Variants in SNX29 observed in about 807,000 individuals in gnomAD.
SNX29 encodes sorting nexin-29.
SNX29 carries 78 observed loss-of-function variants against 102.1 expected under a neutral mutation model. The observed-to-expected ratio is 0.76, with a 90% CI of 0.64 to 0.92. The LOEUF is 0.92. Among genes scored for constraint, SNX29 ranks in the 40% least tolerant of loss-of-function variants. The pLI is 0.00. For missense variants in SNX29, 1,280 were observed against 1,061.7 expected (o/e 1.21, Z -2.86); for synonymous variants, 580 against 414.5 (o/e 1.40, Z -4.85).
At position 12,174,930 on chromosome 16, in the gene SNX29, T is replaced by TAA. The variant is rs56227397; in HGVS notation, c.1596-24662_1596-24661dup. On this transcript the variant is annotated intron_variant, in intron 13 of 20. Transcript: ENST00000566228. ...TATAAATGGAAAGTATTATTACTAT[T>TAA]AAAAAAAAAACAACCAATTATCTTG... Among the ~76,000 whole-genome samples, 1,423 of 148,970 alleles carry TAA rather than the reference T, an allele frequency of 9.6e-3. 7 individuals carry two copies. Among genetic ancestry groups the TAA allele is most frequent in the Non-Finnish European group, 0.015 (1,030 of 67,034 alleles).
chr16:12,539,593 G>A (rs189279003), intron 20 of SNX29, among the ~76,000 whole-genome samples: 43 of 152,230 alleles, frequency 2.8e-4, no homozygotes, highest in Middle Eastern at 3.4e-3. Flanking sequence ...ATTTCTGTGC[G>A]GCAAATACCT....
At chr16:12,403,846 G>C (rs1363105035) in intron 18 of SNX29, among the ~76,000 whole-genome samples, 1 of 152,154 alleles carries the variant, frequency 6.6e-6, no homozygotes, top group Non-Finnish European at 1.5e-5. Flanking sequence ...GTGGTAGGTC[G>C]GGCCTTGGGC....
At chr16:12,013,503 ATATAT>A (rs1567525929) in intron 3 of SNX29, among the ~76,000 whole-genome samples, 592 of 56,566 alleles carry the variant, frequency 0.01, 32 homozygotes, top group African/African-American at 0.034. Context: ...AAAAAAAAAT[ATATAT>A]ATATATATAT....
chr16:12,159,196 G>A (rs1236450630), intron 13 of SNX29, among the ~76,000 whole-genome samples: 2 of 152,192 alleles, frequency 1.3e-5, no homozygotes, highest in African/African-American at 2.4e-5. Flanking sequence ...GATGTATGAC[G>A]ATACCCAGCC....
At chr16:12,282,083 C>CAAAAAA (rs758827865) in intron 15 of SNX29, among the ~76,000 whole-genome samples, 4 of 62,042 alleles carry the variant, frequency 6.4e-5, no homozygotes, top group Non-Finnish European at 8.6e-5. Context: ...GACTCCATCT[C>CAAAAAA]AAAAAAAAAA....
At chr16:12,257,068 T>G (rs1188390118) in intron 14 of SNX29, among the ~76,000 whole-genome samples, 3 of 152,224 alleles carry the variant, frequency 2.0e-5, no homozygotes, top group Non-Finnish European at 4.4e-5. Flanking sequence ...CCATAGACTC[T>G]AGGGGAGAAT....
At chr16:12,361,551 T>G (rs1287879223) in intron 16 of SNX29, among the ~76,000 whole-genome samples, 2 of 152,176 alleles carry the variant, frequency 1.3e-5, no homozygotes, top group African/African-American at 4.8e-5. Flanking sequence ...TAATAGTAAT[T>G]AATATTATGA....
chr16:12,013,940 C>T (rs908527534), intron 3 of SNX29, among the ~76,000 whole-genome samples: 4 of 151,862 alleles, frequency 2.6e-5, no homozygotes, highest in African/African-American at 9.7e-5. Context: ...CATAAGCCAC[C>T]GTGCCTGGCC....
intron 9 of SNX29, among the ~76,000 whole-genome samples, chr16:12,065,051 G>C (rs528271690): frequency 1.3e-5 from 2 of 152,334 alleles, no homozygotes; most frequent in South Asian, 4.1e-4. Context: ...TTCTGCAGCT[G>C]AGTGTTGGGA....
intron 20 of SNX29, among the ~76,000 whole-genome samples, chr16:12,544,507 A>AT (rs1287060395): frequency 6.6e-6 from 1 of 152,016 alleles, no homozygotes; most frequent in Non-Finnish European, 1.5e-5. Flanking sequence ...TCTAGATGGC[A>AT]TTTTTCTGTG....
At chr16:12,543,129 G>A (rs2077418839) in intron 20 of SNX29, among the ~76,000 whole-genome samples, 2 of 152,156 alleles carry the variant, frequency 1.3e-5, no homozygotes, top group African/African-American at 4.8e-5. Flanking sequence ...TCTTATAGAT[G>A]GTTTAGATCC....
intron 19 of SNX29, among the ~76,000 whole-genome samples, chr16:12,496,875 C>T (rs1047114290): frequency 2.0e-5 from 3 of 152,090 alleles, no homozygotes; most frequent in East Asian, 1.9e-4. Context: ...AAGGGAAGAG[C>T]GTTTCAGGGA....
At chr16:12,163,393 C>T (rs757677095) in intron 13 of SNX29, among the ~76,000 whole-genome samples, 29 of 152,050 alleles carry the variant, frequency 1.9e-4, no homozygotes, top group Admixed American at 7.2e-4. Flanking sequence ...GTGTGTTTGA[C>T]GGACTAGACT....
At chr16:12,536,574 A>G (rs981217375) in intron 20 of SNX29, among the ~76,000 whole-genome samples, 1 of 152,186 alleles carries the variant, frequency 6.6e-6, no homozygotes, top group Non-Finnish European at 1.5e-5. Context: ...AAAGTTGCAG[A>G]GTTCACACCT....
chr16:11,999,908 A>C (rs1447320890), intron 2 of SNX29, among the ~76,000 whole-genome samples: 1 of 151,942 alleles, frequency 6.6e-6, no homozygotes, highest in Non-Finnish European at 1.5e-5. Flanking sequence ...GTCATTAAAA[A>C]AAAAAAAAGT....
At chr16:11,986,514 A>G (rs1319966151) in intron 1 of SNX29, among the ~76,000 whole-genome samples, 2 of 152,194 alleles carry the variant, frequency 1.3e-5, no homozygotes, top group Non-Finnish European at 2.9e-5. Flanking sequence ...TTCAAAGCAT[A>G]CACTATATAT....
chr16:12,036,494 C>A (rs1382224998), intron 4 of SNX29, among the ~76,000 whole-genome samples: 1 of 152,072 alleles, frequency 6.6e-6, no homozygotes, highest in Admixed American at 6.6e-5. Context: ...GCCACCACGC[C>A]CAGCTAATTT....
intron 14 of SNX29, among the ~76,000 whole-genome samples, chr16:12,225,695 G>T (rs1159175791): frequency 6.6e-6 from 1 of 152,160 alleles, no homozygotes; most frequent in Non-Finnish European, 1.5e-5. Context: ...AGGCAGCATG[G>T]AAAGTTAAAG....
chr16:12,559,892 T>C (rs1328555258), intron 20 of SNX29, among the ~76,000 whole-genome samples: 6 of 152,152 alleles, frequency 3.9e-5, no homozygotes. Context: ...GGCAGGAGAA[T>C]GGCATGAATG....
Sources: gnomAD v4.1 joint callset for allele counts (sites outside exome capture counted in the v4.1 genomes callset) on GRCh38, gnomAD v4.1.1 for gene constraint, MANE v1.5 for transcripts, NCBI Gene and HGNC (gene_info 2026-07-23, HGNC 2026-07-21) for gene names.